HPSE2: variants seen among roughly 807,000 people sequenced by gnomAD.
HPSE2 encodes heparanase 2 (inactive).
A neutral mutation model predicts 60.5 loss-of-function variants in HPSE2; 38 were observed. That is an observed-to-expected ratio of 0.63 (90% CI 0.48 to 0.82). The LOEUF is 0.82. HPSE2 is among the 40% of genes least tolerant of loss of function. The pLI, the probability that HPSE2 is intolerant of heterozygous loss-of-function variation, is 0.00. For missense variants in HPSE2, 713 were observed against 740.4 expected (o/e 0.96, Z 0.43); for synonymous variants, 295 against 293.2 (o/e 1.01, Z -0.06).
At chr10:99,234,854 C>G (rs1284027355) in intron 1 of HPSE2, among the ~76,000 whole-genome samples, 1 of 151,708 alleles carries the variant, frequency 6.6e-6, no homozygotes, top group Non-Finnish European at 1.5e-5. Context: ...GGAGGAGGAA[C>G]TGGCGGGGGG....
chr10:99,244,020 C>G, the HPSE2 span, among the ~76,000 whole-genome samples: 1 of 151,996 alleles, frequency 6.6e-6, no homozygotes, highest in Non-Finnish European at 1.5e-5. Flanking sequence ...TTGTGTTTGT[C>G]AACTCCAAAA....
intron 3 of HPSE2, among the ~76,000 whole-genome samples, chr10:98,779,782 A>C (rs934483717): frequency 2.6e-5 from 4 of 152,142 alleles, no homozygotes; most frequent in African/African-American, 9.7e-5. Context: ...GACAGTCCCT[A>C]ATTTCTAAAA....
intron 6 of HPSE2, among the ~76,000 whole-genome samples, chr10:98,679,605 C>T (rs1947733331): frequency 6.6e-6 from 1 of 152,068 alleles, no homozygotes; most frequent in African/African-American, 2.4e-5. Context: ...AGTATAAGCT[C>T]ATAAACATCC....
intron 4 of HPSE2, among the ~76,000 whole-genome samples, chr10:98,742,979 T>C (rs142913721): frequency 0.037 from 5,304 of 143,022 alleles, 168 homozygotes; most frequent in East Asian, 0.11. Context: ...CTTTTCTTTT[T>C]TTTTTTTTTT....
intron 2 of HPSE2, among the ~76,000 whole-genome samples, chr10:99,215,256 C>G (rs12220349): frequency 0.084 from 12,716 of 152,162 alleles, 637 homozygotes; most frequent in South Asian, 0.18. Context: ...AAATGTGGTA[C>G]ATATACACCA....
rs563205108 is a variant in HPSE2, at chr10:98,942,659, A to G, written c.611-198603T>C. ...GACTGTCAACTAGTTCAACCATTGT[A>G]GAAGTCAGTGTGGCGATTCCTCAGG... On this transcript the variant is annotated intron_variant, in intron 3 of 11. Coordinates refer to ENST00000370552, the MANE Select transcript of HPSE2 (RefSeq NM_021828.5). 7.2e-3 allele frequency among the ~76,000 whole-genome samples: 1,098 copies of G among 152,276 alleles called. 8 individuals carry two copies. The highest frequency in any genetic ancestry group is 0.023 in the African/African-American group (976 of 41,540).
At chr10:99,099,571 G>A (rs1363004110) in intron 3 of HPSE2, among the ~76,000 whole-genome samples, 1 of 152,222 alleles carries the variant, frequency 6.6e-6, no homozygotes, top group South Asian at 2.1e-4. Flanking sequence ...TGGGGGCAGG[G>A]CATAGCTGAA....
At chr10:99,162,580 G>C (rs1846887436) in intron 2 of HPSE2, among the ~76,000 whole-genome samples, 1 of 152,146 alleles carries the variant, frequency 6.6e-6, no homozygotes, top group Non-Finnish European at 1.5e-5. Context: ...CCTTGAAACA[G>C]GTTCACAGAC....
At chr10:99,085,301 T>C (rs1325098991) in intron 3 of HPSE2, among the ~76,000 whole-genome samples, 1 of 152,164 alleles carries the variant, frequency 6.6e-6, no homozygotes, top group Non-Finnish European at 1.5e-5. Context: ...TCTAGAGAAG[T>C]AATTTGTCCA....
chr10:99,213,870 A>T (rs1046933984), intron 2 of HPSE2, among the ~76,000 whole-genome samples: 3 of 152,208 alleles, frequency 2.0e-5, no homozygotes, highest in African/African-American at 7.2e-5. Flanking sequence ...TAATTACCAA[A>T]TTAAAAAACA....
Position 98,573,226 on chromosome 10 carries a change from T to C in HPSE2, c.1320+41678A>G, listed in dbSNP as rs564493259. Among the ~76,000 whole-genome samples the C allele has an allele frequency of 3.9e-5, 6 of 152,342 alleles. No individual in the cohort carries two copies. In the South Asian group the frequency reaches 1.2e-3, roughly 32 times the overall value. The stretch of plus-strand genomic sequence containing the variant: ...TTAATAATTTACTGTTATTATTCTT[T>C]TTAAATATAACAGCAGCATTTACTA... On this transcript the variant is annotated intron_variant, in intron 9 of 11. Coordinates refer to ENST00000370552, the MANE Select transcript of HPSE2 (RefSeq NM_021828.5).
intron 3 of HPSE2, among the ~76,000 whole-genome samples, chr10:98,937,750 G>A (rs1476366106): frequency 3.5e-5 from 5 of 141,008 alleles, no homozygotes; most frequent in African/African-American, 1.2e-4. Context: ...CTCCCAGCAC[G>A]CAGCTGGAGA....
chr10:99,095,531 G>A (rs760125311), intron 3 of HPSE2, among the ~76,000 whole-genome samples: 3 of 152,062 alleles, frequency 2.0e-5, no homozygotes, highest in Non-Finnish European at 2.9e-5. Flanking sequence ...AAAAAGAAAC[G>A]CTATTAGCAG....
In HPSE2 at chr10:98,937,121, G is replaced by A. The variant is rs527704879; in HGVS notation, c.611-193065C>T. On this transcript the variant is annotated intron_variant, in intron 3 of 11. Coordinates refer to ENST00000370552, the MANE Select transcript of HPSE2 (RefSeq NM_021828.5). ...ACAATGGAGCCAAGATGGCTGAGTAGGAACAGCTCTGGTCTACAGCTCCCA... is the reference window on the plus strand; with the variant it reads ...ACAATGGAGCCAAGATGGCTGAGTAAGAACAGCTCTGGTCTACAGCTCCCA... Among the ~76,000 whole-genome samples, 30 of 143,846 alleles carry A rather than the reference G, an allele frequency of 2.1e-4. 5 individuals are homozygous for A. The highest frequency in any genetic ancestry group is 7.1e-4 in the African/African-American group (25 of 35,364). The allele number at this position is 143,846 out of a possible 152,430, so 94.4% of individuals were successfully genotyped here.
chr10:98,504,964 T>C (rs1347382168), intron 9 of HPSE2, among the ~76,000 whole-genome samples: 2 of 152,198 alleles, frequency 1.3e-5, no homozygotes. Context: ...TAATTTCCTG[T>C]GTCTTAATTT....
intron 6 of HPSE2, among the ~76,000 whole-genome samples, chr10:98,659,068 T>C (rs948362039): frequency 6.6e-6 from 1 of 152,192 alleles, no homozygotes; most frequent in African/African-American, 2.4e-5. Context: ...GGAAATCCTA[T>C]ATCCATTAAG....
intron 3 of HPSE2, among the ~76,000 whole-genome samples, chr10:98,982,995 C>T (rs1275474364): frequency 6.6e-6 from 1 of 152,110 alleles, no homozygotes; most frequent in Non-Finnish European, 1.5e-5. Context: ...AAATTAGTTT[C>T]TACTCAACAA....
At chr10:98,864,068 C>A (rs927238251) in intron 3 of HPSE2, among the ~76,000 whole-genome samples, 2 of 152,022 alleles carry the variant, frequency 1.3e-5, no homozygotes, top group Non-Finnish European at 2.9e-5. Context: ...TTCCCAGAAA[C>A]CTCTAGTCCA....
chr10:99,050,219 C>T (rs2185799), intron 3 of HPSE2, among the ~76,000 whole-genome samples: 115,114 of 151,930 alleles, frequency 0.76, 46,372 homozygotes, highest in South Asian at 0.92. Flanking sequence ...AGAGGATCAC[C>T]TGAGCCCAGG....
Sources: allele counts gnomAD v4.1 joint callset (sites outside exome capture counted in the v4.1 genomes callset), GRCh38; gene constraint gnomAD v4.1.1; transcripts MANE v1.5; gene names NCBI Gene and HGNC (gene_info 2026-07-23, HGNC 2026-07-21).